The following RMDN1 variants were observed in gnomAD, a reference collection of about 807,000 sequenced individuals.
RMDN1 encodes regulator of microtubule dynamics 1, also known as regulator of microtubule dynamics protein 1.
In RMDN1, 48 loss-of-function variants were observed where a neutral mutation model predicts 48.9. The ratio of observed to expected loss-of-function variants is 0.98; its 90% CI spans 0.78 to 1.25. The LOEUF is 1.25. Among genes scored for constraint, RMDN1 ranks in the 50% most tolerant of loss-of-function variants. The pLI, the probability that RMDN1 is intolerant of heterozygous loss-of-function variation, is 0.00. For synonymous variants in RMDN1, 148 were observed against 132.6 expected, an observed-to-expected ratio of 1.12 and a Z score of -0.80; for missense variants, 418 against 373.4, an observed-to-expected ratio of 1.12 and a Z score of -0.98.
rs1176537800 is a variant in RMDN1, at chr8:86,501,802, G to A, written c.247+5193C>T. ...CCTAACTATTTTATAAGGCTGCTGT[G>A]AGAATTAAAGTCTAGGTTGCTTTAA... On this transcript the variant is annotated intron_variant, in intron 2 of 9. Transcript: ENST00000406452. 2.0e-5 allele frequency among the ~76,000 whole-genome samples: 3 copies of A among 151,998 alleles called. No individual in the cohort carries two copies. The East Asian group carries it at 5.8e-4, about 29-fold the overall frequency.
At chr8:86,488,019 C>A (rs1050203809) in intron 3 of RMDN1, among the ~76,000 whole-genome samples, 3 of 152,052 alleles carry the variant, frequency 2.0e-5, no homozygotes, top group Non-Finnish European at 4.4e-5. Context: ...TTCTCTCGCT[C>A]CACACTCCTC....
chr8:86,473,979 T>C lies in RMDN1; in HGVS notation c.*329A>G. The C allele has an allele frequency of 9.4e-7, 1 of 1,066,828 alleles. No homozygotes were observed. The allele number at this position is 1,066,828 out of a possible 1,614,324, so 66.1% of individuals were successfully genotyped here. On this transcript the variant is annotated 3_prime_UTR_variant, in exon 10 of 10. Transcript: ENST00000406452. Reference sequence around the variant, plus strand: ...CCCTGTATATCCCCTATAGATCCATTTCCCCTCCTCTACAAATATTTCTTT... The same window carrying C: ...CCCTGTATATCCCCTATAGATCCATCTCCCCTCCTCTACAAATATTTCTTT...
chr8:86,495,541 G>A (rs867128135), intron 2 of RMDN1, among the ~76,000 whole-genome samples: 1 of 152,142 alleles, frequency 6.6e-6, no homozygotes, highest in African/African-American at 2.4e-5. Context: ...GACATGGAGA[G>A]AGCAGGGCTG....
chr8:86,489,201 ATGT>A (rs549066576), intron 2 of RMDN1, among the ~76,000 whole-genome samples: 124 of 152,358 alleles, frequency 8.1e-4, no homozygotes, highest in African/African-American at 2.8e-3. Context: ...TTATACAGAG[ATGT>A]TGTTCAAAGG....
chr8:86,489,378 A>G (rs776437613), intron 2 of RMDN1, among the ~76,000 whole-genome samples: 21 of 152,182 alleles, frequency 1.4e-4, no homozygotes, highest in Non-Finnish European at 2.2e-4. Flanking sequence ...CTACTTAATG[A>G]AAAAAACAGT....
chr8:86,490,994 TA>T (rs907458051), intron 2 of RMDN1, among the ~76,000 whole-genome samples: 434 of 148,146 alleles, frequency 2.9e-3, no homozygotes, highest in African/African-American at 9.9e-3. Context: ...ACCATATCTT[TA>T]AAAAAAAAAG....
intron 2 of RMDN1, chr8:86,504,135 G>C (rs1402107420): frequency 8.1e-6 from 10 of 1,231,264 alleles, no homozygotes; most frequent in Non-Finnish European, 1.2e-5. Context: ...AAGAGCTATG[G>C]CCGGTATTAT....
chr8:86,498,762 C>T (rs375065637), intron 2 of RMDN1, among the ~76,000 whole-genome samples: 24 of 152,192 alleles, frequency 1.6e-4, no homozygotes, highest in African/African-American at 5.5e-4. Context: ...GCATGGGTGA[C>T]AGAGTGAGAC....
At chr8:86,508,930 G>T, upstream of RMDN1, 1 of 515,680 alleles carries the variant, frequency 1.9e-6, no homozygotes. Flanking sequence ...GGTCTTTCAT[G>T]GTTTGGGCAC....
chr8:86,507,819 T>G (rs1819633192), intron 1 of RMDN1, among the ~76,000 whole-genome samples: 1 of 152,154 alleles, frequency 6.6e-6, no homozygotes, highest in Non-Finnish European at 1.5e-5. Context: ...ATCAGTCCCA[T>G]AATAATTCTG....
intron 2 of RMDN1, among the ~76,000 whole-genome samples, chr8:86,503,394 A>AACAAAAC (rs1818727400): frequency 7.6e-6 from 1 of 131,510 alleles, no homozygotes. Flanking sequence ...AAAAAACAAA[A>AACAAAAC]AAAAATAACA....
At chr8:86,482,252 A>C in intron 5 of RMDN1, 1 of 310,370 alleles carries the variant, frequency 3.2e-6, no homozygotes, top group Non-Finnish European at 6.0e-6. Flanking sequence ...AAATATAAAA[A>C]TTAGCCAGGT....
chr8:86,502,053 G>A (rs1265523909), intron 2 of RMDN1, among the ~76,000 whole-genome samples: 1 of 152,048 alleles, frequency 6.6e-6, no homozygotes, highest in African/African-American at 2.4e-5. Flanking sequence ...TCTATCAGAA[G>A]TTGAATAAGA....
At chr8:86,497,562 A>G (rs1817561914) in intron 2 of RMDN1, among the ~76,000 whole-genome samples, 1 of 152,014 alleles carries the variant, frequency 6.6e-6, no homozygotes, top group Admixed American at 6.5e-5. Context: ...TTAGCCAGGC[A>G]TGGTGGCACA....
chr8:86,511,374 TGA>T (rs1379307141), upstream of RMDN1, among the ~76,000 whole-genome samples: 1 of 151,582 alleles, frequency 6.6e-6, no homozygotes, highest in Non-Finnish European at 1.5e-5. Flanking sequence ...CTCAGGAGGC[TGA>T]GTCAGGAGAA....
chr8:86,508,751 T>TGCACAGCACCTCTTCCGCCTCCG, upstream of RMDN1: 1 of 1,388,536 alleles, frequency 7.2e-7, no homozygotes, highest in Non-Finnish European at 9.3e-7. Flanking sequence ...TTCCGCCTCC[T>TGCACAGCACCTCTTCCGCCTCCG]GCCCAGCACC....
upstream of RMDN1, among the ~76,000 whole-genome samples, chr8:86,510,147 A>G (rs1281313196): frequency 6.6e-6 from 1 of 152,246 alleles, no homozygotes; most frequent in Non-Finnish European, 1.5e-5. Flanking sequence ...CTTTCTTTAC[A>G]TATCTTACCT....
downstream of RMDN1, among the ~76,000 whole-genome samples, chr8:86,469,102 C>T (rs1812330620): frequency 6.7e-6 from 1 of 149,128 alleles, no homozygotes; most frequent in African/African-American, 2.5e-5. Flanking sequence ...AGTTAAGCAA[C>T]ACAATTCTAT....
chr8:86,508,543 C>A lies in RMDN1; in HGVS notation c.78G>T (p.Gly26=). The A allele has an allele frequency of 3.2e-6, 5 of 1,587,006 alleles. No homozygotes were observed. Among genetic ancestry groups the A allele is most frequent in the Non-Finnish European group, 4.3e-6 (5 of 1,169,108 alleles). The change falls in exon 1 of 10, where the codon GGG becomes GGT. Residue 26 remains glycine, a synonymous_variant. Coordinates refer to ENST00000406452, the MANE Select transcript of RMDN1 (RefSeq NM_016033.3). ...CGCAATGCCCGCGGCTGCCCGAAGTCCCCGCAGGGAGACGAGACCCCGGGG... is the reference window on the plus strand; with the variant it reads ...CGCAATGCCCGCGGCTGCCCGAAGTACCCGCAGGGAGACGAGACCCCGGGG... ...GAAPGSRLPA[G]TSGSRGHCGP...
Sources: allele counts gnomAD v4.1 joint callset (sites outside exome capture counted in the v4.1 genomes callset), GRCh38; gene constraint gnomAD v4.1.1; transcripts MANE v1.5; gene names NCBI Gene and HGNC (gene_info 2026-07-23, HGNC 2026-07-21).